EPG5: variants seen among roughly 807,000 people sequenced by gnomAD.
The protein encoded by EPG5 is ectopic P granules protein 5 homolog.
A neutral mutation model predicts 302.7 loss-of-function variants in EPG5; 159 were observed. The observed-to-expected ratio is 0.53, with a 90% CI of 0.46 to 0.60. The LOEUF (loss-of-function observed/expected upper bound fraction) is 0.60, where lower values mean the gene tolerates loss of function less well. Among genes scored for constraint, EPG5 ranks in the 20% least tolerant of loss-of-function variants. The pLI is 0.00. For synonymous variants in EPG5, 1,158 were observed against 1,136.8 expected, an observed-to-expected ratio of 1.02 and a Z score of -0.37; for missense variants, 2,896 against 3,092.4, an observed-to-expected ratio of 0.94 and a Z score of 1.51.
rs772171146 is a variant in EPG5 at position 45,876,271 on chromosome 18, G to A, written c.6014C>T (p.Thr2005Ile). 1 of 1,613,970 alleles carries A rather than the reference G, an allele frequency of 6.2e-7. No individual in the cohort carries two copies. The highest frequency in any genetic ancestry group is 8.5e-7 in the Non-Finnish European group (1 of 1,179,874). The change falls in exon 35 of 44, where the codon ACT becomes ATT. Residue 2005 changes from threonine to isoleucine, a missense_variant. This residue lies in a region of EPG5 where 620 missense variants were observed against 704.2 expected (regional missense o/e 0.88). Coordinates refer to ENST00000282041, the MANE Select transcript of EPG5 (RefSeq NM_020964.3). ...CTCATGCAGTGAGTCAATACAGTCA[G>A]TGAACAGCTGCACAATGCTTGAGGC... ...VVASSIVQLF[T>I]DCIDSLHESF...
At chr18:45,925,948 A>T (rs901467405) in intron 13 of EPG5, 46 bp from the exon 14 acceptor site, 2 of 1,151,482 alleles carry the variant, frequency 1.7e-6, no homozygotes, top group African/African-American at 3.2e-5. Context: ...ACTTAGAAAC[A>T]ATGCTATATT....
intron 22 of EPG5, among the ~76,000 whole-genome samples, chr18:45,911,110 C>CACACACACATAT (rs1491456763): frequency 2.3e-4 from 30 of 127,938 alleles, no homozygotes; most frequent in African/African-American, 9.0e-4. Context: ...CACACACACA[C>CACACACACATAT]ATATATATAT....
the EPG5 span, chr18:45,842,423 CTGTGTGTG>C: frequency 2.2e-6 from 1 of 447,584 alleles, no homozygotes; most frequent in Non-Finnish European, 4.0e-6. Context: ...GTGCATACGT[CTGTGTGTG>C]TGTGTGTGTG....
chr18:45,942,315 G>C lies in EPG5; in HGVS notation c.1943+846C>G, dbSNP rs1305056395. Among the ~76,000 whole-genome samples, 5 of 152,066 alleles carry C rather than the reference G, an allele frequency of 3.3e-5. No individual in the cohort carries two copies. In the East Asian group the frequency reaches 9.7e-4, roughly 29 times the overall value. ...TAATGGATACATATCTAAAATAAAT[G>C]AATTAGGCCAGGCACGGTGGCTCAC... On this transcript the variant is annotated intron_variant, in intron 9 of 43. Transcript: ENST00000282041.
At chr18:45,933,347 G>GA (rs1338089234) in intron 11 of EPG5, among the ~76,000 whole-genome samples, 1 of 152,092 alleles carries the variant, frequency 6.6e-6, no homozygotes, top group Non-Finnish European at 1.5e-5. Context: ...CCCCATAAAA[G>GA]AAAAAAACAG....
rs1477953047 is a variant in EPG5, at chr18:45,852,236, T to C, written c.*231A>G. The stretch of plus-strand genomic sequence containing the variant: ...TTAGTAAGTTTCTCTTGTGGATAAA[T>C]ATAAAAACTTAAAGAGTCCCCAGAA... On this transcript the variant is annotated 3_prime_UTR_variant, in exon 44 of 44. Transcript: ENST00000282041. 8 of 385,684 alleles carry C rather than the reference T, an allele frequency of 2.1e-5. No individual in the cohort carries two copies. The Admixed American group carries it at 2.6e-4, about 13-fold the overall frequency. 23.9% of individuals were successfully genotyped at this position (385,684 alleles called of 1,614,324 possible). A position where few individuals can be genotyped will look rare whatever the true frequency, so the allele number is the denominator to read the frequency against.
At position 45,955,073 on chromosome 18, in the gene EPG5, C is replaced by G. The variant is rs2143791830; in HGVS notation, c.329G>C (p.Arg110Thr). Residue 110 changes from arginine to threonine, a missense_variant, in exon 2 of 44, where the codon AGA becomes ACA. Arg to Thr is a moderately conservative substitution (Grantham distance 71, BLOSUM62 -1). Coordinates refer to ENST00000282041, the MANE Select transcript of EPG5 (RefSeq NM_020964.3). Reference sequence around the variant, plus strand: ...GACTGCACTGTCCCCCACACAGGGTCTGGCCTCTCCCCCTTCCTTTGGGGG... The same window carrying G: ...GACTGCACTGTCCCCCACACAGGGTGTGGCCTCTCCCCCTTCCTTTGGGGG... ...TEPPKEGGEA[R>T]PCVGDSAVTP... 1 of 1,614,032 alleles carries G rather than the reference C, an allele frequency of 6.2e-7. No homozygotes were observed. Among genetic ancestry groups the G allele is most frequent in the South Asian group, 1.1e-5 (1 of 91,062 alleles).
chr18:45,837,325 C>G, the EPG5 span, among the ~76,000 whole-genome samples: 2 of 152,222 alleles, frequency 1.3e-5, no homozygotes, highest in African/African-American at 4.8e-5. Context: ...GTGCAGGCAC[C>G]AGGAATTGCC....
chr18:45,953,508 C>T, intron 2 of EPG5: 1 of 985,346 alleles, frequency 1.0e-6, no homozygotes, highest in Non-Finnish European at 1.2e-6. Flanking sequence ...TGTTTCTCCC[C>T]AATATCCCCT....
the EPG5 span, among the ~76,000 whole-genome samples, chr18:45,818,321 G>T: frequency 3.4e-4 from 52 of 151,126 alleles, 1 homozygote; most frequent in Admixed American, 7.3e-4. Context: ...CAACTTCTGT[G>T]AGAACATCTA....
rs891060772 is a variant in EPG5, at chr18:45,867,504, T to A, written c.6411+59A>T. The A allele has an allele frequency of 4.3e-6, 6 of 1,397,770 alleles. No individual in the cohort carries two copies. In the African/African-American group the frequency reaches 7.2e-5, roughly 17 times the overall value. The allele number at this position is 1,397,770 out of a possible 1,614,324, so 86.6% of individuals were successfully genotyped here. On this transcript the variant is annotated intron_variant, in intron 37 of 43. Transcript: ENST00000282041. ...AAACAAATGAAAAACTACGACCTAGTAGAAAGCAAAGATCTAAGCAGCCTT... is the reference window on the plus strand; with the variant it reads ...AAACAAATGAAAAACTACGACCTAGAAGAAAGCAAAGATCTAAGCAGCCTT...
downstream of EPG5, among the ~76,000 whole-genome samples, chr18:45,844,506 G>A (rs1414358409): frequency 6.6e-6 from 1 of 152,106 alleles, no homozygotes; most frequent in Non-Finnish European, 1.5e-5. Flanking sequence ...AACATCACAT[G>A]TACCCTATAA....
chr18:45,858,640 G>T lies in EPG5; in HGVS notation c.7152C>A (p.Asn2384Lys), dbSNP rs201507415. 1.8e-4 allele frequency: 295 copies of T among 1,614,042 alleles called. No individual in the cohort carries two copies. Among genetic ancestry groups the T allele is most frequent in the Non-Finnish European group, 2.3e-4 (274 of 1,180,032 alleles). Reference sequence around the variant, plus strand: ...TTTCATTCCTTAAAGTCTGTTCGCTGTTTAAACACTGAAGCAAGTAGACGT... The same window carrying T: ...TTTCATTCCTTAAAGTCTGTTCGCTTTTTAAACACTGAAGCAAGTAGACGT... ...TLYVYLLQCLNSEQTLRNEMK... is the reference protein window; with the variant it reads ...TLYVYLLQCLKSEQTLRNEMK... The change falls in exon 41 of 44, where the codon AAC (asparagine) becomes AAA (lysine). Residue 2384 changes from asparagine to lysine, a missense_variant. This residue lies in a region of EPG5 where 620 missense variants were observed against 704.2 expected (regional missense o/e 0.88). Coordinates refer to ENST00000282041, the MANE Select transcript of EPG5 (RefSeq NM_020964.3).
Position 45,852,292 on chromosome 18 carries a change from C to G in EPG5, c.*175G>C. ...TAAGAGCTAAGAAAACACACACACACACACACACACACCCCAAAATTATCT... is the reference window on the plus strand; with the variant it reads ...TAAGAGCTAAGAAAACACACACACAGACACACACACACCCCAAAATTATCT... On this transcript the variant is annotated 3_prime_UTR_variant, in exon 44 of 44. Coordinates refer to ENST00000282041, the MANE Select transcript of EPG5 (RefSeq NM_020964.3). The G allele has an allele frequency of 3.4e-6, 2 of 588,764 alleles. No homozygotes were observed. Among genetic ancestry groups the G allele is most frequent in the South Asian group, 2.2e-5 (1 of 45,310 alleles). 36.5% of individuals were successfully genotyped at this position (588,764 alleles called of 1,614,324 possible). A position where few individuals can be genotyped will look rare whatever the true frequency, so the allele number is the denominator to read the frequency against.
chr18:45,852,267 T>G lies in EPG5; in HGVS notation c.*200A>C. 1 of 502,942 alleles carries G rather than the reference T, an allele frequency of 2.0e-6. No individual in the cohort carries two copies. The highest frequency in any genetic ancestry group is 3.5e-6 in the Non-Finnish European group (1 of 289,818). The allele number at this position is 502,942 out of a possible 1,614,324, so 31.2% of individuals were successfully genotyped here. A position where few individuals can be genotyped will look rare whatever the true frequency, so the allele number is the denominator to read the frequency against. On this transcript the variant is annotated 3_prime_UTR_variant, in exon 44 of 44. Coordinates refer to ENST00000282041, the MANE Select transcript of EPG5 (RefSeq NM_020964.3). ...AACTTAAAGAGTCCCCAGAAGGTCT[T>G]AAGAGCTAAGAAAACACACACACAC...
the EPG5 span, chr18:45,839,185 T>G: frequency 7.6e-7 from 1 of 1,322,710 alleles, no homozygotes; most frequent in Non-Finnish European, 9.6e-7. Context: ...CCCCTGGCAC[T>G]GCCAGAATGT....
chr18:45,958,023 G>A (rs970997075), intron 1 of EPG5, among the ~76,000 whole-genome samples: 1 of 152,136 alleles, frequency 6.6e-6, no homozygotes, highest in Admixed American at 6.5e-5. Flanking sequence ...GGTCAGTATG[G>A]CAGAGGCCAA....
intron 36 of EPG5, among the ~76,000 whole-genome samples, chr18:45,870,159 AAAGAAACTAATAGCTTCAGTACC>A (rs2048838907): frequency 6.6e-6 from 1 of 152,204 alleles, no homozygotes; most frequent in African/African-American, 2.4e-5. Flanking sequence ...ATAACTGCTA[AAAGAAACTAATAGCTTCAGTACC>A]AATTTACATT....
In EPG5 at chr18:45,939,617, A is replaced by T. The variant is rs929769017; in HGVS notation, c.2082T>A (p.His694Gln). Residue 694 changes from histidine (H) to glutamine (Q), a missense_variant, in exon 10 of 44, where the codon CAT becomes CAA. Coordinates refer to ENST00000282041, the MANE Select transcript of EPG5 (RefSeq NM_020964.3). ...FDELFLRAVL[H>Q]VLKAKRLGIW... is the part of the protein sequence containing the mutation. ...TTACTTACCTTTTGGCCTTCAGCAC[A>T]TGTAGGACAGCCCTCAAAAACAGTT... is the stretch of plus-strand genomic sequence containing the variant. 5.0e-6 allele frequency: 8 copies of T among 1,614,006 alleles called. No individual in the cohort carries two copies. The highest frequency in any genetic ancestry group is 1.7e-5 in the Admixed American group (1 of 59,994).
Sources: gnomAD v4.1 joint callset for allele counts (sites outside exome capture counted in the v4.1 genomes callset) on GRCh38, gnomAD v4.1.1 for gene constraint, gnomAD v4.1.1 regional missense constraint, MANE v1.5 for transcripts, NCBI Gene and HGNC (gene_info 2026-07-23, HGNC 2026-07-21) for gene names.